The following FOLH1 variants were observed in gnomAD, a reference collection of about 807,000 sequenced individuals.
FOLH1 encodes folate hydrolase 1, also known as glutamate carboxypeptidase 2.
Under a neutral mutation model 93.9 loss-of-function variants are expected in FOLH1, and 54 were observed. The ratio of observed to expected loss-of-function variants is 0.57; its 90% CI spans 0.46 to 0.72. The LOEUF is 0.72. FOLH1 is among the 30% of genes least tolerant of loss of function. The pLI is 0.00. For synonymous variants in FOLH1, 249 were observed against 303.6 expected (o/e 0.82, Z 1.87); for missense variants, 571 against 892.5 (o/e 0.64, Z 4.59).
At chr11:49,147,323 T>C (rs1372540792) in intron 18 of FOLH1, among the ~76,000 whole-genome samples, 1 of 152,144 alleles carries the variant, frequency 6.6e-6, no homozygotes, top group Non-Finnish European at 1.5e-5. Context: ...AGTAACTAAA[T>C]GATTTGTCTC....
At chr11:49,192,509 T>C (rs1266703168) in intron 4 of FOLH1, among the ~76,000 whole-genome samples, 1 of 152,206 alleles carries the variant, frequency 6.6e-6, no homozygotes, top group Non-Finnish European at 1.5e-5. Flanking sequence ...ATGCTGTACA[T>C]TGATGGGATT....
Position 49,169,256 on chromosome 11 carries a change from C to T in FOLH1, c.1311G>A (p.Glu437=), listed in dbSNP as rs571898670. The change falls in exon 12 of 19, where the codon GAG becomes GAA. Residue 437 remains glutamate, a splice_region_variant and synonymous_variant. Transcript: ENST00000256999. ...GLLGSTEWAE[E]NSRLLQERGV... is the part of the protein sequence containing the mutation. ...CACGCTCTTGAAGGAGTCTTGAATTCTCCTATAATAAAAAGGAAAACTATA... is the reference window on the plus strand; with the variant it reads ...CACGCTCTTGAAGGAGTCTTGAATTTTCCTATAATAAAAAGGAAAACTATA... 1.7e-5 allele frequency: 28 copies of T among 1,612,680 alleles called. No homozygotes were observed. The highest frequency in any genetic ancestry group is 2.4e-5 in the Non-Finnish European group (28 of 1,178,980).
At position 49,158,436 on chromosome 11, in the gene FOLH1, G is replaced by T. The variant is rs181721436; in HGVS notation, c.1441-393C>A. Among the ~76,000 whole-genome samples, 7 of 152,164 alleles carry T rather than the reference G, an allele frequency of 4.6e-5. No homozygotes were observed. In the East Asian group the frequency reaches 1.4e-3, roughly 29 times the overall value. ...AAGAAGTAAGCTGGTTAAGGGTAAG[G>T]ATTCAATTTAATATTGTTTCTTGCC... On this transcript the variant is annotated intron_variant, in intron 13 of 18. Transcript: ENST00000256999.
At position 49,203,089 on chromosome 11, in the gene FOLH1, AAT is replaced by A. The variant is rs1247461300; in HGVS notation, c.225-2650_225-2649del. Among the ~76,000 whole-genome samples the A allele has an allele frequency of 2.0e-5, 3 of 152,254 alleles. No individual in the cohort carries two copies. In the East Asian group the frequency reaches 5.8e-4, roughly 29 times the overall value. ...CTTGTGACACACATCTCAAGTGATT[AAT>A]AGATTAAGAAGTGTAGTTTAATATG... On this transcript the variant is annotated intron_variant, in intron 2 of 18. Transcript: ENST00000256999.
intron 2 of FOLH1, among the ~76,000 whole-genome samples, chr11:49,203,425 G>C (rs1468249824): frequency 6.6e-6 from 1 of 152,314 alleles, no homozygotes; most frequent in Non-Finnish European, 1.5e-5. Flanking sequence ...GGGCTTTTAA[G>C]AGCAGAACAA....
intron 17 of FOLH1, among the ~76,000 whole-genome samples, chr11:49,149,070 T>C (rs184779296): frequency 2.0e-5 from 3 of 151,842 alleles, no homozygotes; most frequent in African/African-American, 4.8e-5. Flanking sequence ...ATGAGAACAC[T>C]TGGACACAGG....
intron 17 of FOLH1, among the ~76,000 whole-genome samples, chr11:49,150,974 A>G (rs1399662819): frequency 6.6e-6 from 1 of 152,138 alleles, no homozygotes; most frequent in African/African-American, 2.4e-5. Flanking sequence ...ACAAAATGTG[A>G]TTTTTAATTT....
At position 49,200,569 on chromosome 11, in the gene FOLH1, G is replaced by A. The variant is rs2135314081; in HGVS notation, c.225-128C>T. ...GATACGTTAAAAAATTAAAGTGGTAGTATTATTGCATGAAATAGATTTTCA... is the reference window on the plus strand; with the variant it reads ...GATACGTTAAAAAATTAAAGTGGTAATATTATTGCATGAAATAGATTTTCA... On this transcript the variant is annotated intron_variant, in intron 2 of 18. Transcript: ENST00000256999. 6.4e-6 allele frequency: 6 copies of A among 939,410 alleles called. No homozygotes were observed. The Admixed American group carries it at 8.8e-5, about 14-fold the overall frequency. 58.2% of individuals were successfully genotyped at this position (939,410 alleles called of 1,614,324 possible).
chr11:49,202,372 C>T, intron 2 of FOLH1, among the ~76,000 whole-genome samples: 1 of 151,994 alleles, frequency 6.6e-6, no homozygotes, highest in Admixed American at 6.5e-5. Flanking sequence ...TGTAGGGCTG[C>T]TTTAAATGTG....
intron 12 of FOLH1, among the ~76,000 whole-genome samples, chr11:49,167,028 TAAC>T (rs1237875046): frequency 1.1e-3 from 127 of 115,224 alleles, no homozygotes; most frequent in East Asian, 3.5e-3. Context: ...AAAACAACAA[TAAC>T]AACAACAACA....
At chr11:49,201,340 A>T (rs1590695308) in intron 2 of FOLH1, among the ~76,000 whole-genome samples, 1 of 150,436 alleles carries the variant, frequency 6.6e-6, no homozygotes, top group East Asian at 1.9e-4. Flanking sequence ...TATAAAATCA[A>T]CATAATTCCA....
rs1855801178 is a variant in FOLH1 at position 49,146,691 on chromosome 11, C to A, written c.*65G>T. The stretch of plus-strand genomic sequence containing the variant: ...ACCAATTTTAAAATTTATCAATATA[C>A]CCATTACGATTCTTTCTGAGTGACA... On this transcript the variant is annotated 3_prime_UTR_variant, in exon 19 of 19. Coordinates refer to ENST00000256999, the MANE Select transcript of FOLH1 (RefSeq NM_004476.3). 6.2e-6 allele frequency: 9 copies of A among 1,460,832 alleles called. No homozygotes were observed. The highest frequency in any genetic ancestry group is 1.4e-5 in the South Asian group (1 of 70,816). 90.5% of individuals were successfully genotyped at this position (1,460,832 alleles called of 1,614,324 possible).
chr11:49,205,926 C>T, intron 2 of FOLH1, 141 bp downstream of exon 2: 1 of 861,896 alleles, frequency 1.2e-6, no homozygotes, highest in South Asian at 2.2e-5. Flanking sequence ...TAGTCCTCCT[C>T]AGATGAAATG....
chr11:49,190,400 C>G (rs191941604), intron 4 of FOLH1, among the ~76,000 whole-genome samples: 29 of 152,338 alleles, frequency 1.9e-4, no homozygotes, highest in Admixed American at 3.9e-4. Context: ...TCTTGTACAA[C>G]TTACACTGTA....
At chr11:49,153,102 A>T (rs1262863280) in intron 17 of FOLH1, among the ~76,000 whole-genome samples, 1 of 152,160 alleles carries the variant, frequency 6.6e-6, no homozygotes, top group Non-Finnish European at 1.5e-5. Flanking sequence ...TATTTATATC[A>T]TGATACTATA....
At chr11:49,153,583 T>C (rs1312291373) in intron 17 of FOLH1, among the ~76,000 whole-genome samples, 1 of 152,094 alleles carries the variant, frequency 6.6e-6, no homozygotes, top group Non-Finnish European at 1.5e-5. Context: ...ATGTCGAAAG[T>C]AGGTCTTTTG....
In FOLH1 at chr11:49,200,447, G is replaced by C. The variant is rs1863149075; in HGVS notation, c.225-6C>G. 1.2e-6 allele frequency: 2 copies of C among 1,611,792 alleles called. No homozygotes were observed. Among genetic ancestry groups the C allele is most frequent in the Admixed American group, 3.4e-5 (2 of 59,526 alleles). On this transcript the variant is annotated splice_region_variant and splice_polypyrimidine_tract_variant and intron_variant, in intron 2 of 18. Transcript: ENST00000256999. Reference sequence around the variant, plus strand: ...GTGGTATCTGTGTAAAATTACTGGTGAACAAAAATTGAAAGTGGTTAGATA... The same window carrying C: ...GTGGTATCTGTGTAAAATTACTGGTCAACAAAAATTGAAAGTGGTTAGATA...
At chr11:49,199,271 G>A (rs184588889) in intron 3 of FOLH1, among the ~76,000 whole-genome samples, 67 of 152,270 alleles carry the variant, frequency 4.4e-4, no homozygotes, top group African/African-American at 1.6e-3. Context: ...ACTGAGGTAT[G>A]TTAAGTAAGG....
At chr11:49,207,064 G>A (rs983476073) in intron 1 of FOLH1, among the ~76,000 whole-genome samples, 3 of 152,124 alleles carry the variant, frequency 2.0e-5, no homozygotes, top group African/African-American at 7.2e-5. Context: ...ATGATTGCAC[G>A]CAAACGGAAA....
Sources: gnomAD v4.1 joint callset for allele counts (sites outside exome capture counted in the v4.1 genomes callset) on GRCh38, gnomAD v4.1.1 for gene constraint, MANE v1.5 for transcripts, NCBI Gene and HGNC (gene_info 2026-07-23, HGNC 2026-07-21) for gene names.